Variants in ANXA8 observed in about 807,000 individuals in gnomAD.
ANXA8 encodes the protein VAC-beta.
ANXA8 carries 9 observed loss-of-function variants against 26.8 expected under a neutral mutation model. The observed-to-expected ratio is 0.34, with a 90% CI of 0.20 to 0.59. The LOEUF (loss-of-function observed/expected upper bound fraction) is 0.59. Ranked by LOEUF, ANXA8 falls within the 20% of genes least tolerant of loss-of-function variation. The probability of loss-of-function intolerance (pLI) is 0.84; values close to 1 mark genes in which losing one functional copy is unlikely to be tolerated. For synonymous variants in ANXA8, 39 were observed against 94.8 expected, an observed-to-expected ratio of 0.41 and a Z score of 3.42; for missense variants, 83 against 238.5, an observed-to-expected ratio of 0.35 and a Z score of 4.29.
the ANXA8 span, among the ~76,000 whole-genome samples, chr10:47,673,973 T>C: frequency 6.6e-6 from 1 of 151,170 alleles, no homozygotes; most frequent in African/African-American, 2.4e-5. Context: ...TTTCTTAGAC[T>C]TGAGCTTCTC....
At chr10:47,469,646 G>A (rs1214677908) in intron 11 of ANXA8, among the ~76,000 whole-genome samples, 2 of 151,574 alleles carry the variant, frequency 1.3e-5, no homozygotes, top group African/African-American at 2.4e-5. Flanking sequence ...AAATGGGCCA[G>A]GTCAGATCAC....
chr10:47,684,616 C>T, the ANXA8 span, among the ~76,000 whole-genome samples: 44 of 151,688 alleles, frequency 2.9e-4, no homozygotes, highest in Non-Finnish European at 4.0e-4. Context: ...GACAGAGTCT[C>T]GCTCTGTTGT....
At chr10:47,566,243 G>A in the ANXA8 span, among the ~76,000 whole-genome samples, 3 of 151,792 alleles carry the variant, frequency 2.0e-5, no homozygotes, top group South Asian at 4.1e-4. Context: ...CGAAACACAC[G>A]TTTCTAAGCA....
the ANXA8 span, chr10:47,691,092 C>G: frequency 6.2e-7 from 1 of 1,610,986 alleles, no homozygotes; most frequent in Non-Finnish European, 8.5e-7. Context: ...AAATTCGGAC[C>G]AAATTCTGGC....
chr10:47,637,473 T>C, the ANXA8 span, among the ~76,000 whole-genome samples: 1 of 149,124 alleles, frequency 6.7e-6, no homozygotes, highest in Non-Finnish European at 1.5e-5. Flanking sequence ...AATTTCTGCT[T>C]ACACAGAAAA....
the ANXA8 span, among the ~76,000 whole-genome samples, chr10:47,674,135 T>C: frequency 6.6e-6 from 1 of 150,528 alleles, no homozygotes; most frequent in Non-Finnish European, 1.5e-5. Flanking sequence ...AAGTACAATT[T>C]GCTTTCCTTT....
the ANXA8 span, chr10:47,726,840 G>C: frequency 0.04 from 55,078 of 1,371,326 alleles, 8 homozygotes; most frequent in African/African-American, 0.13. Context: ...CTCTTCTGTA[G>C]GCCAGCGTTA....
At chr10:47,631,339 G>A in the ANXA8 span, among the ~76,000 whole-genome samples, 2 of 151,920 alleles carry the variant, frequency 1.3e-5, no homozygotes, top group Non-Finnish European at 2.9e-5. Flanking sequence ...TATCTGGTAA[G>A]TAAGAGTCTA....
the ANXA8 span, among the ~76,000 whole-genome samples, chr10:47,706,004 G>A: frequency 8.8e-6 from 1 of 113,684 alleles, no homozygotes; most frequent in Non-Finnish European, 1.9e-5. Context: ...GGCGTGTTGT[G>A]GGGGGGGAGG....
At chr10:47,952,811 A>G in the ANXA8 span, among the ~76,000 whole-genome samples, 1 of 149,384 alleles carries the variant, frequency 6.7e-6, no homozygotes, top group Non-Finnish European at 1.5e-5. Flanking sequence ...GAACAGAATC[A>G]GATGTCCTGT....
At chr10:47,594,043 G>T in the ANXA8 span, among the ~76,000 whole-genome samples, 1 of 146,934 alleles carries the variant, frequency 6.8e-6, no homozygotes. Context: ...CCAGTGGTTT[G>T]CCAGGGGCTC....
At chr10:47,949,200 ATATC>A in the ANXA8 span, among the ~76,000 whole-genome samples, 1 of 131,654 alleles carries the variant, frequency 7.6e-6, no homozygotes, top group African/African-American at 3.3e-5. Context: ...AAGTATAATC[ATATC>A]TATCTATTCC....
At chr10:47,991,726 T>G in the ANXA8 span, 3 of 1,603,726 alleles carry the variant, frequency 1.9e-6, no homozygotes, top group Admixed American at 5.0e-5. Flanking sequence ...GGCACCTTTC[T>G]CACGGAGATG....
the ANXA8 span, among the ~76,000 whole-genome samples, chr10:47,743,833 G>T: frequency 6.8e-6 from 1 of 147,478 alleles, no homozygotes; most frequent in Non-Finnish European, 1.5e-5. Flanking sequence ...GGCTCTCCTA[G>T]CGGGGACACC....
chr10:47,683,900 C>T, the ANXA8 span, among the ~76,000 whole-genome samples: 2 of 151,614 alleles, frequency 1.3e-5, no homozygotes, highest in Non-Finnish European at 2.9e-5. Flanking sequence ...AGGGGAAAAG[C>T]ACTCTCTTTT....
the ANXA8 span, among the ~76,000 whole-genome samples, chr10:47,700,156 G>T: frequency 6.6e-6 from 1 of 151,876 alleles, no homozygotes; most frequent in Admixed American, 6.6e-5. Flanking sequence ...TGATACTAAA[G>T]CTCATATGGG....
At chr10:47,512,686 TC>T in the ANXA8 span, among the ~76,000 whole-genome samples, 22 of 33,516 alleles carry the variant, frequency 6.6e-4, 1 homozygote, top group African/African-American at 2.6e-3. Flanking sequence ...GGCTAGGCCT[TC>T]CAGTAGTATG....
the ANXA8 span, among the ~76,000 whole-genome samples, chr10:47,675,367 A>G: frequency 2.0e-5 from 3 of 151,244 alleles, no homozygotes; most frequent in Non-Finnish European, 4.4e-5. Flanking sequence ...CCACCCATTT[A>G]CTTAATCATT....
chr10:47,559,142 C>CTTTTTTTTTTTTTTTTTTTTTT, the ANXA8 span, among the ~76,000 whole-genome samples: 16 of 73,306 alleles, frequency 2.2e-4, no homozygotes, highest in Admixed American at 4.7e-4. Flanking sequence ...TGGAGTCTTA[C>CTTTTTTTTTTTTTTTTTTTTTT]TTTTTTTTTT....
Sources: gnomAD v4.1 joint callset for allele counts (sites outside exome capture counted in the v4.1 genomes callset) on GRCh38, gnomAD v4.1.1 for gene constraint, MANE v1.5 for transcripts, NCBI Gene and HGNC (gene_info 2026-07-23, HGNC 2026-07-21) for gene names.